The following MARCHF1 variants were observed in gnomAD, a reference collection of about 807,000 sequenced individuals.
MARCHF1 encodes membrane associated ring-CH-type finger 1.
A neutral mutation model predicts 54.2 loss-of-function variants in MARCHF1; 40 were observed. The observed-to-expected ratio is 0.74, with a 90% CI of 0.57 to 0.96. The LOEUF is 0.96. Ranked by LOEUF, MARCHF1 falls within the 40% of genes least tolerant of loss-of-function variation. The pLI, the probability that MARCHF1 is intolerant of heterozygous loss-of-function variation, is 0.00. For missense variants in MARCHF1, 586 were observed against 656.5 expected (o/e 0.89, Z 1.17); for synonymous variants, 236 against 236.3 (o/e 1.00, Z 0.01).
chr4:163,727,453 G>T (rs985997565), intron 4 of MARCHF1, among the ~76,000 whole-genome samples: 2 of 151,956 alleles, frequency 1.3e-5, no homozygotes, highest in East Asian at 3.9e-4. Flanking sequence ...GACTACAGGC[G>T]CATGCCGCCA....
chr4:164,249,688 G>A (rs1033878633), intron 1 of MARCHF1, among the ~76,000 whole-genome samples: 2 of 151,498 alleles, frequency 1.3e-5, no homozygotes, highest in African/African-American at 4.8e-5. Flanking sequence ...TAGGGGTCGG[G>A]GAGAACAGTA....
intron 2 of MARCHF1, among the ~76,000 whole-genome samples, chr4:164,026,147 A>G (rs1753761975): frequency 6.6e-6 from 1 of 152,202 alleles, no homozygotes; most frequent in African/African-American, 2.4e-5. Flanking sequence ...GCCAAATTCC[A>G]GCAGACATAC....
intron 1 of MARCHF1, among the ~76,000 whole-genome samples, chr4:164,182,750 G>T (rs908475639): frequency 2.0e-5 from 3 of 151,820 alleles, no homozygotes; most frequent in African/African-American, 4.8e-5. Context: ...CTCAATATAT[G>T]CAAGACTCCT....
Position 164,181,908 on chromosome 4 carries a change from T to C in MARCHF1, c.-322-70246A>G, listed in dbSNP as rs370841250. Among the ~76,000 whole-genome samples the C allele has an allele frequency of 4.6e-5, 7 of 152,302 alleles. No individual in the cohort carries two copies. The East Asian group carries it at 5.8e-4, about 13-fold the overall frequency. On this transcript the variant is annotated intron_variant, in intron 1 of 9. Transcript: ENST00000514618. ...CTATTTTTAGTATCACATTATAAAT[T>C]CTCTGAATATAGACAAAATTAAATC...
intron 2 of MARCHF1, among the ~76,000 whole-genome samples, chr4:164,091,900 ATGTG>A: frequency 7.0e-6 from 1 of 141,888 alleles, no homozygotes; most frequent in South Asian, 2.2e-4. Context: ...GTGTGTCTGT[ATGTG>A]TGTCTGTGTG....
intron 1 of MARCHF1, chr4:164,189,385 T>C (rs1560945987): frequency 3.0e-6 from 2 of 656,018 alleles, no homozygotes; most frequent in East Asian, 2.6e-5. Context: ...TCTGTTCTGG[T>C]CTACTATGAG....
intron 2 of MARCHF1, among the ~76,000 whole-genome samples, chr4:164,095,076 T>C (rs977999401): frequency 4.6e-5 from 7 of 152,106 alleles, no homozygotes; most frequent in Non-Finnish European, 2.9e-5. Context: ...GCATTTTAGT[T>C]GATACAACAA....
intron 1 of MARCHF1, among the ~76,000 whole-genome samples, chr4:164,163,608 A>T (rs1459316890): frequency 6.6e-6 from 1 of 151,934 alleles, no homozygotes; most frequent in Non-Finnish European, 1.5e-5. Context: ...CATAAAGCAA[A>T]ACATACAACT....
chr4:163,878,864 A>C (rs1470435968), intron 3 of MARCHF1, among the ~76,000 whole-genome samples: 1 of 152,338 alleles, frequency 6.6e-6, no homozygotes, highest in Middle Eastern at 3.4e-3. Context: ...TCTGAATGCT[A>C]CCTGGAGGCC....
intron 4 of MARCHF1, among the ~76,000 whole-genome samples, chr4:163,852,456 T>C (rs1749667399): frequency 6.6e-6 from 1 of 152,198 alleles, no homozygotes; most frequent in African/African-American, 2.4e-5. Flanking sequence ...AGTGCAGCTG[T>C]ACGCATAAAT....
intron 1 of MARCHF1, among the ~76,000 whole-genome samples, chr4:164,347,134 C>T (rs1730130487): frequency 6.6e-6 from 1 of 151,908 alleles, no homozygotes; most frequent in Non-Finnish European, 1.5e-5. Flanking sequence ...TCCACATTTG[C>T]CAAATAAATA....
chr4:163,617,595 A>G (rs143367001), intron 5 of MARCHF1, among the ~76,000 whole-genome samples: 132 of 152,272 alleles, frequency 8.7e-4, no homozygotes, highest in African/African-American at 3.1e-3. Context: ...TTTTGAACAG[A>G]TAAATAGCTA....
At chr4:163,809,146 G>T (rs570341311) in intron 4 of MARCHF1, among the ~76,000 whole-genome samples, 1 of 151,906 alleles carries the variant, frequency 6.6e-6, no homozygotes, top group Non-Finnish European at 1.5e-5. Flanking sequence ...AACAACACAC[G>T]ATTTTAAACT....
intron 4 of MARCHF1, among the ~76,000 whole-genome samples, chr4:163,834,097 C>T (rs190875916): frequency 2.6e-5 from 4 of 152,198 alleles, no homozygotes; most frequent in African/African-American, 9.6e-5. Context: ...GAGAAAGAGA[C>T]AATATGTTCT....
rs113487856 is a variant in MARCHF1, at chr4:164,059,776, T to C, written c.-248+51812A>G. On this transcript the variant is annotated intron_variant, in intron 2 of 9. Transcript: ENST00000514618. ...AATGTGAAGCACACAATTTTTCATC[T>C]GATGATTTATAATGGTCCGTGACAT... 2.1e-3 allele frequency among the ~76,000 whole-genome samples: 319 copies of C among 152,296 alleles called. 2 individuals are homozygous for C. The highest frequency in any genetic ancestry group is 7.1e-3 in the African/African-American group (297 of 41,582).
At chr4:164,153,804 A>G (rs1484573844) in intron 1 of MARCHF1, among the ~76,000 whole-genome samples, 1 of 152,206 alleles carries the variant, frequency 6.6e-6, no homozygotes, top group Non-Finnish European at 1.5e-5. Context: ...CAAATATGCT[A>G]TTAACAAAAG....
At chr4:164,106,672 C>A (rs551356389) in intron 2 of MARCHF1, among the ~76,000 whole-genome samples, 1 of 147,232 alleles carries the variant, frequency 6.8e-6, no homozygotes, top group Non-Finnish European at 1.5e-5. Context: ...TGCTAGATGA[C>A]GAGTTAGTGG....
At chr4:163,713,343 A>T (rs897100403) in intron 4 of MARCHF1, among the ~76,000 whole-genome samples, 1 of 152,102 alleles carries the variant, frequency 6.6e-6, no homozygotes, top group South Asian at 2.1e-4. Context: ...ATAAATAAAA[A>T]ATTTGCCATA....
intron 1 of MARCHF1, among the ~76,000 whole-genome samples, chr4:164,349,010 T>A (rs914667662): frequency 6.6e-6 from 1 of 152,122 alleles, no homozygotes; most frequent in Non-Finnish European, 1.5e-5. Flanking sequence ...AAGAATCTCC[T>A]CTATCTGGGA....
Sources: gnomAD v4.1 joint callset for allele counts (sites outside exome capture counted in the v4.1 genomes callset) on GRCh38, gnomAD v4.1.1 for gene constraint, MANE v1.5 for transcripts, NCBI Gene and HGNC (gene_info 2026-07-23, HGNC 2026-07-21) for gene names.